OPRPN: variants seen among roughly 807,000 people sequenced by gnomAD.
OPRPN encodes basic proline-rich lacrimal protein.
In OPRPN, 1 loss-of-function variant was observed where a neutral mutation model predicts 2.2. The ratio of observed to expected loss-of-function variants is 0.45; its 90% CI spans 0.16 to 2.15. The LOEUF (loss-of-function observed/expected upper bound fraction) is 2.15, where lower values mean the gene tolerates loss of function less well. Among genes scored for constraint, OPRPN ranks in the 30% most tolerant of loss-of-function variants. OPRPN has a pLI of 0.28. For synonymous variants in OPRPN, 126 were observed against 111.5 expected (o/e 1.13, Z -0.82); for missense variants, 306 against 297.3 (o/e 1.03, Z -0.21).
At chr4:70,408,521 T>C (rs1043787198) in intron 2 of OPRPN, among the ~76,000 whole-genome samples, 7 of 152,198 alleles carry the variant, frequency 4.6e-5, no homozygotes, top group Non-Finnish European at 7.3e-5. Context: ...ATTGCTACCA[T>C]CTACAAGCCA....
intron 2 of OPRPN, among the ~76,000 whole-genome samples, chr4:70,408,545 T>C (rs868674298): frequency 6.6e-6 from 1 of 152,236 alleles, no homozygotes; most frequent in African/African-American, 2.4e-5. Context: ...TTGTTATTAA[T>C]AGAGTACAAA....
In OPRPN at chr4:70,404,159, A is replaced by C. The variant is rs557882553; in HGVS notation, c.51+4823A>C. Among the ~76,000 whole-genome samples the C allele has an allele frequency of 5.9e-5, 9 of 152,284 alleles. No individual in the cohort carries two copies. The East Asian group carries it at 1.7e-3, about 29-fold the overall frequency. On this transcript the variant is annotated intron_variant, in intron 2 of 2. Coordinates refer to ENST00000399575, the MANE Select transcript of OPRPN (RefSeq NM_021225.5). ...CCACATTTGTCAAATTGTACTCAAA[A>C]TGGCCAGGCGTAAGGGTCAGCTTTC...
chr4:70,399,376 T>C (rs371940088), intron 2 of OPRPN, 40 bp downstream of exon 2: 3 of 1,497,178 alleles, frequency 2.0e-6, no homozygotes, highest in African/African-American at 1.4e-5. Flanking sequence ...TTATATTTAT[T>C]GTTAATCATG....
chr4:70,401,932 A>G (rs1482741954), intron 2 of OPRPN, among the ~76,000 whole-genome samples: 9 of 152,150 alleles, frequency 5.9e-5, no homozygotes, highest in Non-Finnish European at 1.3e-4. Flanking sequence ...TTAAGCTGTC[A>G]GTCTGGCAGT....
chr4:70,408,620 T>C (rs897621123), intron 2 of OPRPN, among the ~76,000 whole-genome samples: 10 of 152,220 alleles, frequency 6.6e-5, no homozygotes, highest in African/African-American at 2.2e-4. Context: ...ACATAGATTA[T>C]GTATAATCCT....
In OPRPN at chr4:70,409,606, T is replaced by A. The variant is rs566298040; in HGVS notation, c.278T>A (p.Ile93Asn). ...ILSQLFPLES[I>N]RQPRLFPGYP... The stretch of plus-strand genomic sequence containing the variant: ...TCTCAACTCTTTCCATTGGAATCTA[T>A]TAGACAACCTCGACTCTTTCCGGGT... The change falls in exon 3 of 3, where the codon ATT (isoleucine) becomes AAT (asparagine). Residue 93 changes from isoleucine (I) to asparagine (N), a missense_variant. Physicochemically the swap from Ile to Asn is moderately radical, Grantham distance 149. Transcript: ENST00000399575. The A allele has an allele frequency of 4.0e-5, 64 of 1,613,856 alleles. No individual in the cohort carries two copies. The South Asian group carries it at 6.6e-4, about 17-fold the overall frequency.
Position 70,409,534 on chromosome 4 carries a change from G to A in OPRPN, c.206G>A (p.Arg69Gln), listed in dbSNP as rs768608208. 2.4e-5 allele frequency: 38 copies of A among 1,613,644 alleles called. No homozygotes were observed. Among genetic ancestry groups the A allele is most frequent in the Middle Eastern group, 1.6e-4 (1 of 6,082 alleles). ...CTTTCTCTTCCCTTTGTCCCAGGGC[G>A]AGTTCCACCATCTTCTTTCTCTCGA... ...SPLSLPFVPGRVPPSSFSRFS... is the reference protein window; with the variant it reads ...SPLSLPFVPGQVPPSSFSRFS... The change falls in exon 3 of 3, where the codon CGA (arginine) becomes CAA (glutamine). Residue 69 changes from arginine to glutamine, a missense_variant. By Grantham distance (43) the Arg-to-Gln change is conservative. Coordinates refer to ENST00000399575, the MANE Select transcript of OPRPN (RefSeq NM_021225.5).
intron 2 of OPRPN, among the ~76,000 whole-genome samples, chr4:70,400,093 C>T (rs1732940053): frequency 6.6e-6 from 1 of 151,824 alleles, no homozygotes; most frequent in African/African-American, 2.4e-5. Flanking sequence ...GATCAGTTTC[C>T]CTAGCATATG....
At chr4:70,400,186 G>A (rs1732944901) in intron 2 of OPRPN, among the ~76,000 whole-genome samples, 1 of 151,758 alleles carries the variant, frequency 6.6e-6, no homozygotes, top group Non-Finnish European at 1.5e-5. Context: ...ACTGTGTGTT[G>A]GGCCTAGTGG....
At chr4:70,408,957 A>G (rs912846594) in intron 2 of OPRPN, among the ~76,000 whole-genome samples, 27 of 152,220 alleles carry the variant, frequency 1.8e-4, no homozygotes, top group African/African-American at 6.5e-4. Context: ...TTAATGGTTC[A>G]GAGTCTGGAA....
In OPRPN at chr4:70,408,392, T is replaced by A. The variant is rs184786754; in HGVS notation, c.52-988T>A. Among the ~76,000 whole-genome samples, 280 of 152,314 alleles carry A rather than the reference T, an allele frequency of 1.8e-3. 1 individual carries two copies. Among genetic ancestry groups the A allele is most frequent in the African/African-American group, 6.3e-3 (261 of 41,570 alleles). On this transcript the variant is annotated intron_variant, in intron 2 of 2. Transcript: ENST00000399575. ...TCCTCCTCATTTCTACCCTGTTATTTTATCCTCATTTCAAATGCCATCTTC... is the reference window on the plus strand; with the variant it reads ...TCCTCCTCATTTCTACCCTGTTATTATATCCTCATTTCAAATGCCATCTTC...
chr4:70,400,889 TAAAG>T (rs1219793628), intron 2 of OPRPN, among the ~76,000 whole-genome samples: 3 of 151,912 alleles, frequency 2.0e-5, no homozygotes, highest in Non-Finnish European at 4.4e-5. Flanking sequence ...GATTAGAAGG[TAAAG>T]AAAGATCCAT....
rs779850146 is a variant in OPRPN, at chr4:70,399,406, T to C, written c.51+70T>C. 1.7e-5 allele frequency: 23 copies of C among 1,330,970 alleles called. No individual in the cohort carries two copies. The Admixed American group carries it at 2.2e-4, about 13-fold the overall frequency. 82.4% of individuals were successfully genotyped at this position (1,330,970 alleles called of 1,614,324 possible). A position where few individuals can be genotyped will look rare whatever the true frequency, so the allele number is the denominator to read the frequency against. Reference sequence around the variant, plus strand: ...ATCATGATTTCAAAGAAAGTTTTGATACCAAGAATTTTGTCCTGTATATAA... The same window carrying C: ...ATCATGATTTCAAAGAAAGTTTTGACACCAAGAATTTTGTCCTGTATATAA... On this transcript the variant is annotated intron_variant, in intron 2 of 2. Coordinates refer to ENST00000399575, the MANE Select transcript of OPRPN (RefSeq NM_021225.5).
At chr4:70,406,528 T>A (rs1016225041) in intron 2 of OPRPN, among the ~76,000 whole-genome samples, 1 of 152,186 alleles carries the variant, frequency 6.6e-6, no homozygotes, top group Admixed American at 6.5e-5. Context: ...TATCAAATTA[T>A]TGGGGGAGAG....
chr4:70,398,172 T>TA (rs1732901406), intron 1 of OPRPN, 132 bp downstream of exon 1: 2 of 147,284 alleles, frequency 1.4e-5, no homozygotes, highest in African/African-American at 5.3e-5. Context: ...AGATGTGTTT[T>TA]TAAAAAAAAA....
At chr4:70,401,761 G>A (rs1560532535) in intron 2 of OPRPN, among the ~76,000 whole-genome samples, 1 of 152,088 alleles carries the variant, frequency 6.6e-6, no homozygotes, top group Admixed American at 6.6e-5. Context: ...TAGGCCAAGT[G>A]TAAGCTCAAA....
chr4:70,401,157 G>A (rs562304502), intron 2 of OPRPN, among the ~76,000 whole-genome samples: 1 of 152,072 alleles, frequency 6.6e-6, no homozygotes, highest in South Asian at 2.1e-4. Context: ...TTTCTACCTT[G>A]AAAGAGTATA....
Position 70,410,070 on chromosome 4 carries a change from G to C in OPRPN, c.742G>C (p.Gly248Arg), listed in dbSNP as rs1733194274. 2 of 1,539,408 alleles carry C rather than the reference G, an allele frequency of 1.3e-6. No homozygotes were observed. The highest frequency in any genetic ancestry group is 1.3e-5 in the South Asian group (1 of 78,198). ...TTGGCAAAAACTCTTTGCCATTTTT[G>C]GTTGAACATGCAATAAATGATATTT... is the stretch of plus-strand genomic sequence containing the variant. ...SFWQKLFAIF[G>R] The change falls in exon 3 of 3, where the codon GGT becomes CGT. Residue 248 changes from glycine (G) to arginine (R), a missense_variant. Transcript: ENST00000399575.
At position 70,409,627 on chromosome 4, in the gene OPRPN, C is replaced by G. The variant is rs371348643; in HGVS notation, c.299C>G (p.Pro100Arg). ...LESIRQPRLFPGYPNLHFPLR... is the reference protein window; with the variant it reads ...LESIRQPRLFRGYPNLHFPLR... ...TCTATTAGACAACCTCGACTCTTTC[C>G]GGGTTATCCAAACCTACATTTCCCA... The change falls in exon 3 of 3, where the codon CCG (proline) becomes CGG (arginine). Residue 100 changes from proline (P) to arginine (R), a missense_variant. By Grantham distance (103) the Pro-to-Arg change is moderately radical. Transcript: ENST00000399575. The G allele has an allele frequency of 1.9e-5, 31 of 1,613,886 alleles. No individual in the cohort carries two copies. The highest frequency in any genetic ancestry group is 2.5e-5 in the Non-Finnish European group (30 of 1,179,900).
Sources: allele counts gnomAD v4.1 joint callset (sites outside exome capture counted in the v4.1 genomes callset), GRCh38; gene constraint gnomAD v4.1.1; transcripts MANE v1.5; gene names NCBI Gene and HGNC (gene_info 2026-07-23, HGNC 2026-07-21).